CC2D1A: variants seen among roughly 807,000 people sequenced by gnomAD.
CC2D1A encodes coiled-coil and C2 domain containing 1A, also known as coiled-coil and C2 domain-containing protein 1A.
CC2D1A carries 68 observed loss-of-function variants against 123.8 expected under a neutral mutation model. The ratio of observed to expected loss-of-function variants is 0.55; its 90% confidence interval spans 0.45 to 0.67. The LOEUF is 0.67. Ranked by LOEUF, CC2D1A falls within the 30% of genes least tolerant of loss-of-function variation. CC2D1A has a pLI of 0.00. For synonymous variants in CC2D1A, 477 were observed against 528.0 expected (o/e 0.90, Z 1.32); for missense variants, 1,185 against 1,290.3 (o/e 0.92, Z 1.25).
rs537993728 is a variant in CC2D1A at position 13,928,183 on chromosome 19, G to A, written c.2514G>A (p.Gly838=). 4.3e-6 allele frequency: 7 copies of A among 1,613,240 alleles called. No individual in the cohort carries two copies. In the Admixed American group the frequency reaches 1.2e-4, roughly 27 times the overall value. Residue 838 remains glycine (G), a synonymous_variant, in exon 24 of 29, where the codon GGG becomes GGA. Coordinates refer to ENST00000318003, the MANE Select transcript of CC2D1A (RefSeq NM_017721.5). Reference sequence around the variant, plus strand: ...TGCCTGCCCCTGCAAGGGAGTCAGGGAACAGGTAGGTATCTGGGCCAGGGC... The same window carrying A: ...TGCCTGCCCCTGCAAGGGAGTCAGGAAACAGGTAGGTATCTGGGCCAGGGC... The part of the protein sequence containing the change: ...PPVPAPARES[G]NRSARPLHSL...
chr19:13,911,937 G>A (rs183023288), intron 2 of CC2D1A, among the ~76,000 whole-genome samples: 7 of 152,136 alleles, frequency 4.6e-5, no homozygotes, highest in South Asian at 2.1e-4. Context: ...GGATGGTCTC[G>A]ATCTCCTGAC....
Position 13,929,673 on chromosome 19 carries a change from A to T in CC2D1A, c.2710+13A>T. 1 of 1,407,266 alleles carries T rather than the reference A, an allele frequency of 7.1e-7. No homozygotes were observed. Among genetic ancestry groups the T allele is most frequent in the African/African-American group, 1.9e-5 (1 of 52,764 alleles). The allele number at this position is 1,407,266 out of a possible 1,614,324, so 87.2% of individuals were successfully genotyped here. On this transcript the variant is annotated intron_variant, in intron 26 of 28. Coordinates refer to ENST00000318003, the MANE Select transcript of CC2D1A (RefSeq NM_017721.5). ...GGCATCCGACGGGGTAGGGGTTTGGAGATGGGCATCTGGTGGGGGAGGAGC... is the reference window on the plus strand; with the variant it reads ...GGCATCCGACGGGGTAGGGGTTTGGTGATGGGCATCTGGTGGGGGAGGAGC...
At chr19:13,928,210 T>C (rs757137978) in intron 24 of CC2D1A, 22 bp downstream of exon 24, 1 of 1,608,850 alleles carries the variant, frequency 6.2e-7, no homozygotes, top group South Asian at 1.1e-5. Context: ...GGCCAGGGCA[T>C]GCTGGAGAAA....
chr19:13,910,035 G>C, intron 2 of CC2D1A, 77 bp downstream of exon 2: 2 of 1,363,976 alleles, frequency 1.5e-6, no homozygotes, highest in Non-Finnish European at 9.7e-7. Flanking sequence ...GGGGCACTGG[G>C]TAGGTAGGGG....
At position 13,920,800 on chromosome 19, in the gene CC2D1A, G is replaced by A; in HGVS notation, c.1519G>A (p.Ala507Thr). The A allele has an allele frequency of 1.2e-6, 2 of 1,614,142 alleles. No individual in the cohort carries two copies. The highest frequency in any genetic ancestry group is 1.7e-6 in the Non-Finnish European group (2 of 1,180,000). ...LEGRKKQLLQ[A>T]ALRAKQKNDV... The stretch of plus-strand genomic sequence containing the variant: ...GGGCCGCAAGAAGCAGCTCCTGCAG[G>A]CCGCACTGCGAGCCAAGCAGAAAAA... Residue 507 changes from alanine to threonine, a missense_variant, in exon 14 of 29, where the codon GCC becomes ACC. Coordinates refer to ENST00000318003, the MANE Select transcript of CC2D1A (RefSeq NM_017721.5).
rs1458424428 is a variant in CC2D1A at position 13,920,803 on chromosome 19, G to A, written c.1522G>A (p.Ala508Thr). The A allele has an allele frequency of 6.2e-6, 10 of 1,613,940 alleles. No individual in the cohort carries two copies. The highest frequency in any genetic ancestry group is 2.2e-5 in the East Asian group (1 of 44,884). ...CCGCAAGAAGCAGCTCCTGCAGGCC[G>A]CACTGCGAGCCAAGCAGAAAAACGA... ...EGRKKQLLQA[A>T]LRAKQKNDVE... Residue 508 changes from alanine (A) to threonine (T), a missense_variant, in exon 14 of 29, where the codon GCA becomes ACA. By Grantham distance (58) the Ala-to-Thr change is moderately conservative (BLOSUM62 0). Transcript: ENST00000318003.
chr19:13,927,357 C>A, intron 22 of CC2D1A, 92 bp downstream of exon 22: 1 of 1,102,738 alleles, frequency 9.1e-7, no homozygotes, highest in Non-Finnish European at 1.4e-6. Context: ...CCTCTATGAG[C>A]CTGTCTGTTG....
intron 6 of CC2D1A, among the ~76,000 whole-genome samples, chr19:13,914,641 CTTT>C (rs747859570): frequency 1.5e-5 from 2 of 131,574 alleles, no homozygotes; most frequent in Non-Finnish European, 1.6e-5. Flanking sequence ...GCCTCATCGC[CTTT>C]TTTTTTTTTT....
chr19:13,930,144 A>G lies in CC2D1A; in HGVS notation c.2777A>G (p.Asp926Gly), dbSNP rs1971846202. ...GAGGCTGCCCGGCGCCTGGGCAACG[A>G]TGGCAGCAGGGTGAGCTGGTCGCGG... ...YTEAARRLGN[D>G]GSRDAAKEAL... Residue 926 changes from aspartate (D) to glycine (G), a missense_variant, in exon 27 of 29, where the codon GAT becomes GGT. Asp to Gly is a moderately conservative substitution (Grantham distance 94, BLOSUM62 -1). Coordinates refer to ENST00000318003, the MANE Select transcript of CC2D1A (RefSeq NM_017721.5). This position sits in a 1 kb window ranked among gnomAD's most constrained non-coding sequence, Gnocchi z 6.8. 6.2e-7 allele frequency: 1 copy of G among 1,613,208 alleles called. No homozygotes were observed. The highest frequency in any genetic ancestry group is 8.5e-7 in the Non-Finnish European group (1 of 1,179,704).
chr19:13,925,994 A>G (rs1599403398), intron 17 of CC2D1A, among the ~76,000 whole-genome samples: 3 of 129,730 alleles, frequency 2.3e-5, no homozygotes, highest in African/African-American at 1.1e-4. Context: ...ATATACATAT[A>G]TGTGTGTATA....
Position 13,919,968 on chromosome 19 carries a change from C to T in CC2D1A, c.1356+17C>T, listed in dbSNP as rs535352435. 19 of 1,605,218 alleles carry T rather than the reference C, an allele frequency of 1.2e-5. No individual in the cohort carries two copies. The highest frequency in any genetic ancestry group is 2.0e-4 in the Middle Eastern group (1 of 5,114). On this transcript the variant is annotated intron_variant, in intron 12 of 28. Transcript: ENST00000318003. The stretch of plus-strand genomic sequence containing the variant: ...CCTAAGAAGGTTTGAGGGTTGGGGC[C>T]GGGCGCAGTGGCTCACACCTGTAGT...
chr19:13,914,069 G>T (rs1474561970), intron 6 of CC2D1A, among the ~76,000 whole-genome samples: 1 of 151,822 alleles, frequency 6.6e-6, no homozygotes, highest in Non-Finnish European at 1.5e-5. Flanking sequence ...GTAGAGATGG[G>T]GTTTCACCTT....
At chr19:13,914,064 G>A (rs912176968) in intron 6 of CC2D1A, among the ~76,000 whole-genome samples, 4 of 151,882 alleles carry the variant, frequency 2.6e-5, no homozygotes, top group African/African-American at 9.7e-5. Flanking sequence ...TTTGAGTAGA[G>A]ATGGGGTTTC....
At chr19:13,918,721 T>C (rs1430688532) in intron 8 of CC2D1A, 25 bp from the exon 9 acceptor site, 1 of 1,603,826 alleles carries the variant, frequency 6.2e-7, no homozygotes, top group South Asian at 1.1e-5. Flanking sequence ...AAGCCCCTCA[T>C]TGGCCTGGAC....
At chr19:13,927,747 A>C (rs1599407550) in intron 22 of CC2D1A, 146 bp from the exon 23 acceptor site, 4 of 826,778 alleles carry the variant, frequency 4.8e-6, no homozygotes, top group Non-Finnish European at 3.8e-6. Context: ...GCACCACTGC[A>C]CTCCAGCCTG....
Position 13,920,612 on chromosome 19 carries a change from C to A in CC2D1A, c.1412C>A (p.Pro471His). Residue 471 changes from proline (P) to histidine (H), a missense_variant, in exon 13 of 29, where the codon CCC becomes CAC. Transcript: ENST00000318003. ...AQPKAPPSRT[P>H]QSGSAPTAKA... is the part of the protein sequence containing the mutation. ...CCCAAAGCCCCACCCTCAAGAACTC[C>A]CCAGTCGGGATCAGCCCCAACAGCC... is the stretch of plus-strand genomic sequence containing the variant. 6.2e-7 allele frequency: 1 copy of A among 1,611,628 alleles called. No individual in the cohort carries two copies.
Position 13,912,530 on chromosome 19 carries a change from G to A in CC2D1A, c.315G>A (p.Ala105=), listed in dbSNP as rs199500012. Residue 105 remains alanine (A), a splice_region_variant and synonymous_variant, in exon 4 of 29, where the codon GCG becomes GCA. Coordinates refer to ENST00000318003, the MANE Select transcript of CC2D1A (RefSeq NM_017721.5). The part of the protein sequence containing the change: ...DDLEADDDLL[A]ELNEVLGEEQ... ...GCCCTGGCTGTGTGTCCCTGCAGGC[G>A]GAGCTAAATGAGGTCCTTGGAGAGG... The A allele has an allele frequency of 2.7e-5, 43 of 1,614,118 alleles. No homozygotes were observed. The highest frequency in any genetic ancestry group is 2.0e-4 in the East Asian group (9 of 44,880).
At position 13,912,603 on chromosome 19, in the gene CC2D1A, G is replaced by T; in HGVS notation, c.378+10G>T. 1 of 1,613,644 alleles carries T rather than the reference G, an allele frequency of 6.2e-7. No homozygotes were observed. The highest frequency in any genetic ancestry group is 8.5e-7 in the Non-Finnish European group (1 of 1,179,916). ...ACCTCCTGTGGCCCAGGTACAGTTT[G>T]GATGACTCCACTCCCTTGAACCACA... On this transcript the variant is annotated intron_variant, in intron 4 of 28. Transcript: ENST00000318003.
At chr19:13,926,330 T>C (rs2145365224) in intron 17 of CC2D1A, among the ~76,000 whole-genome samples, 187 bp from the exon 18 acceptor site, 1 of 152,080 alleles carries the variant, frequency 6.6e-6, no homozygotes, top group East Asian at 1.9e-4. Context: ...AAGTGATCCA[T>C]TGCCAACCTG....
Sources: allele counts gnomAD v4.1 joint callset (sites outside exome capture counted in the v4.1 genomes callset), GRCh38; gene constraint gnomAD v4.1.1; non-coding constraint Gnocchi (gnomAD v3.1); transcripts MANE v1.5; gene names NCBI Gene and HGNC (gene_info 2026-07-23, HGNC 2026-07-21).